Variants in CNTN4 observed in about 807,000 individuals in gnomAD.
The protein encoded by CNTN4 is contactin-4.
CNTN4 carries 77 observed loss-of-function variants against 122.5 expected under a neutral mutation model. The observed-to-expected ratio is 0.63, with a 90% confidence interval of 0.52 to 0.76. The LOEUF (loss-of-function observed/expected upper bound fraction) is 0.76, where lower values mean the gene tolerates loss of function less well. Ranked by LOEUF, CNTN4 falls within the 30% of genes least tolerant of loss-of-function variation. CNTN4 has a pLI of 0.00. For synonymous variants in CNTN4, 512 were observed against 447.0 expected, an observed-to-expected ratio of 1.15 and a Z score of -1.83; for missense variants, 1,256 against 1,259.1, an observed-to-expected ratio of 1.00 and a Z score of 0.04.
chr3:3,012,198 T>C (rs1168149480), intron 14 of CNTN4, among the ~76,000 whole-genome samples: 1 of 152,104 alleles, frequency 6.6e-6, no homozygotes, highest in Non-Finnish European at 1.5e-5. Flanking sequence ...GGTTTTCCTT[T>C]GGATCTGCAT....
chr3:2,932,828 A>T (rs562308483), intron 13 of CNTN4, among the ~76,000 whole-genome samples: 93 of 151,460 alleles, frequency 6.1e-4, no homozygotes, highest in Admixed American at 8.5e-4. Context: ...TTATTTATTT[A>T]TTTATTTATT....
intron 8 of CNTN4, among the ~76,000 whole-genome samples, chr3:2,877,597 T>A (rs1179723850): frequency 6.6e-6 from 1 of 152,192 alleles, no homozygotes; most frequent in African/African-American, 2.4e-5. Flanking sequence ...TTATATGTGT[T>A]CCTTACTTCT....
chr3:2,275,944 A>C (rs1313081428), intron 2 of CNTN4, among the ~76,000 whole-genome samples: 2 of 151,646 alleles, frequency 1.3e-5, no homozygotes, highest in Non-Finnish European at 2.9e-5. Flanking sequence ...AAAACAAAAA[A>C]AAATATTAAA....
intron 4 of CNTN4, among the ~76,000 whole-genome samples, chr3:2,711,489 A>G (rs1368347245): frequency 6.6e-6 from 1 of 152,184 alleles, no homozygotes; most frequent in Non-Finnish European, 1.5e-5. Context: ...TAGATATGAT[A>G]TATTCCAAAT....
At chr3:2,205,591 T>G (rs2038304554) in intron 2 of CNTN4, among the ~76,000 whole-genome samples, 2 of 151,274 alleles carry the variant, frequency 1.3e-5, no homozygotes, top group South Asian at 4.2e-4. Context: ...AGAGATGATG[T>G]CTCTCTGATT....
At chr3:2,576,329 C>A (rs148693880) in intron 4 of CNTN4, among the ~76,000 whole-genome samples, 13 of 152,232 alleles carry the variant, frequency 8.5e-5, no homozygotes, top group Non-Finnish European at 1.9e-4. Context: ...GAGACTAGAT[C>A]TCCAGTTTCA....
At chr3:2,812,382 G>A (rs1384427805) in intron 6 of CNTN4, among the ~76,000 whole-genome samples, 1 of 142,744 alleles carries the variant, frequency 7.0e-6, no homozygotes, top group Non-Finnish European at 1.5e-5. Context: ...TTCTCATGAA[G>A]AATTATCTGA....
chr3:2,801,714 G>A (rs7643910), intron 6 of CNTN4, among the ~76,000 whole-genome samples: 1 of 150,660 alleles, frequency 6.6e-6, no homozygotes, highest in Non-Finnish European at 1.5e-5. Context: ...GTAGGTTTTG[G>A]GAGCCTAGGA....
intron 2 of CNTN4, among the ~76,000 whole-genome samples, chr3:2,203,487 A>G (rs2149399793): frequency 6.6e-6 from 1 of 152,210 alleles, no homozygotes; most frequent in South Asian, 2.1e-4. Flanking sequence ...TTAAAAAGGG[A>G]AAAGAAAGCA....
At chr3:2,391,063 C>G (rs2046423907) in intron 3 of CNTN4, among the ~76,000 whole-genome samples, 4 of 152,224 alleles carry the variant, frequency 2.6e-5, no homozygotes, top group Admixed American at 1.3e-4. Flanking sequence ...TAATGGGGAA[C>G]CAGATTTAGT....
intron 4 of CNTN4, among the ~76,000 whole-genome samples, chr3:2,636,118 A>G (rs1470635970): frequency 6.6e-6 from 1 of 152,208 alleles, no homozygotes; most frequent in Non-Finnish European, 1.5e-5. Flanking sequence ...CTTCCCTGAC[A>G]ATACTTGTTG....
At chr3:2,166,160 A>C (rs1329370577) in intron 2 of CNTN4, among the ~76,000 whole-genome samples, 1 of 152,142 alleles carries the variant, frequency 6.6e-6, no homozygotes, top group African/African-American at 2.4e-5. Flanking sequence ...ATTATAATGC[A>C]TAATGTCAAT....
At chr3:2,431,912 AATAAAC>A (rs575310015) in intron 3 of CNTN4, among the ~76,000 whole-genome samples, 26 of 152,196 alleles carry the variant, frequency 1.7e-4, no homozygotes, top group Non-Finnish European at 3.1e-4. Context: ...GAGTTGGGTG[AATAAAC>A]ATATAGAGTA....
chr3:2,547,805 G>C (rs2078311328), intron 3 of CNTN4, among the ~76,000 whole-genome samples: 1 of 152,016 alleles, frequency 6.6e-6, no homozygotes, highest in African/African-American at 2.4e-5. Flanking sequence ...TAAGTCCAAA[G>C]AGAACTTAAT....
At chr3:2,226,122 C>G (rs1041969912) in intron 2 of CNTN4, among the ~76,000 whole-genome samples, 1 of 151,402 alleles carries the variant, frequency 6.6e-6, no homozygotes, top group East Asian at 1.9e-4. Flanking sequence ...AAATACGGCA[C>G]CCACGTTTTG....
intron 2 of CNTN4, among the ~76,000 whole-genome samples, chr3:2,316,918 A>T (rs1203263385): frequency 6.6e-6 from 1 of 152,098 alleles, no homozygotes; most frequent in Non-Finnish European, 1.5e-5. Flanking sequence ...CACACCAATT[A>T]AGTTGACAGT....
At chr3:2,211,415 G>C (rs2038609886) in intron 2 of CNTN4, among the ~76,000 whole-genome samples, 2 of 152,088 alleles carry the variant, frequency 1.3e-5, no homozygotes, top group Admixed American at 1.3e-4. Context: ...GCCTTTTTCT[G>C]TAGGTTCAGA....
At chr3:2,871,962 A>C (rs905509050) in intron 8 of CNTN4, among the ~76,000 whole-genome samples, 1 of 152,180 alleles carries the variant, frequency 6.6e-6, no homozygotes, top group African/African-American at 2.4e-5. Context: ...TGATTTGGGA[A>C]AGTACACCTG....
intron 13 of CNTN4, among the ~76,000 whole-genome samples, chr3:2,949,929 T>A (rs1253124189): frequency 1.3e-5 from 2 of 152,228 alleles, no homozygotes; most frequent in African/African-American, 4.8e-5. Flanking sequence ...ATTTGGGTGT[T>A]CATCTTAGTG....
Sources: allele counts gnomAD v4.1 joint callset (sites outside exome capture counted in the v4.1 genomes callset), GRCh38; gene constraint gnomAD v4.1.1; transcripts MANE v1.5; gene names NCBI Gene and HGNC (gene_info 2026-07-23, HGNC 2026-07-21).